The following TNIK variants were observed in gnomAD, a reference collection of about 807,000 sequenced individuals.
The protein encoded by TNIK is TRAF2 and NCK interacting kinase.
TNIK carries 49 observed loss-of-function variants against 191.3 expected under a neutral mutation model. The observed-to-expected ratio is 0.26, with a 90% CI of 0.20 to 0.32. The LOEUF is 0.32. TNIK is among the 10% of genes least tolerant of loss of function. TNIK has a pLI of 1.00. For missense variants in TNIK, 1,155 were observed against 1,702.3 expected (o/e 0.68, Z 5.66); for synonymous variants, 594 against 600.9 (o/e 0.99, Z 0.17).
chr3:171,165,218 G>C (rs1734464765), intron 10 of TNIK, among the ~76,000 whole-genome samples: 1 of 151,996 alleles, frequency 6.6e-6, no homozygotes, highest in Non-Finnish European at 1.5e-5. Context: ...GATCACTTGA[G>C]CCCGGGAGAT....
chr3:171,073,268 T>C (rs748829012), intron 28 of TNIK, among the ~76,000 whole-genome samples: 7 of 152,042 alleles, frequency 4.6e-5, no homozygotes, highest in Admixed American at 6.6e-5. Flanking sequence ...CAACTGATCT[T>C]CAACAAAGTC....
chr3:171,227,763 A>G (rs1743125758), intron 3 of TNIK, among the ~76,000 whole-genome samples: 1 of 152,200 alleles, frequency 6.6e-6, no homozygotes, highest in Non-Finnish European at 1.5e-5. Context: ...ACAAATATAG[A>G]GATGGTCCCT....
At chr3:171,111,844 C>T (rs1725899931) in intron 18 of TNIK, among the ~76,000 whole-genome samples, 1 of 152,200 alleles carries the variant, frequency 6.6e-6, no homozygotes, top group African/African-American at 2.4e-5. Context: ...CATGATCTCA[C>T]TTATAGGTGG....
chr3:171,386,326 C>T (rs1560006497), intron 1 of TNIK, among the ~76,000 whole-genome samples: 1 of 152,188 alleles, frequency 6.6e-6, no homozygotes, highest in Non-Finnish European at 1.5e-5. Flanking sequence ...TCAACCACGG[C>T]ATATCTTTTT....
At chr3:171,259,892 C>A (rs1227215810) in intron 2 of TNIK, among the ~76,000 whole-genome samples, 1 of 152,132 alleles carries the variant, frequency 6.6e-6, no homozygotes, top group Non-Finnish European at 1.5e-5. Flanking sequence ...ATCTGTAGTG[C>A]AGAGCTTGGC....
intron 23 of TNIK, among the ~76,000 whole-genome samples, chr3:171,093,430 T>G (rs943400395): frequency 6.6e-6 from 1 of 152,114 alleles, no homozygotes; most frequent in African/African-American, 2.4e-5. Flanking sequence ...TTGGAACTAT[T>G]GAGCATTTTT....
At chr3:171,233,857 C>G (rs1247312336) in intron 2 of TNIK, among the ~76,000 whole-genome samples, 1 of 152,134 alleles carries the variant, frequency 6.6e-6, no homozygotes, top group Non-Finnish European at 1.5e-5. Context: ...GTTTCCCTTA[C>G]CCCCACATTT....
chr3:171,283,421 C>G (rs1270757747), intron 2 of TNIK, among the ~76,000 whole-genome samples: 1 of 152,078 alleles, frequency 6.6e-6, no homozygotes, highest in South Asian at 2.1e-4. Flanking sequence ...GGAAGGGGAT[C>G]GCCAAAACCA....
intron 2 of TNIK, among the ~76,000 whole-genome samples, chr3:171,332,105 T>C (rs1236751968): frequency 6.6e-6 from 1 of 152,152 alleles, no homozygotes; most frequent in Admixed American, 6.5e-5. Context: ...AGACGGAAAA[T>C]CACCTATAAA....
intron 32 of TNIK, among the ~76,000 whole-genome samples, chr3:171,064,647 C>T (rs965549862): frequency 4.6e-5 from 7 of 152,156 alleles, no homozygotes; most frequent in African/African-American, 1.7e-4. Context: ...TCTGTTAAGT[C>T]ATTTTATCAA....
At chr3:171,125,653 T>G (rs920646998) in intron 17 of TNIK, among the ~76,000 whole-genome samples, 1 of 152,198 alleles carries the variant, frequency 6.6e-6, no homozygotes, top group Admixed American at 6.5e-5. Context: ...ATACTTGGTG[T>G]TGAGAGTTCT....
intron 1 of TNIK, among the ~76,000 whole-genome samples, chr3:171,402,637 A>G (rs1294256035): frequency 6.6e-6 from 1 of 152,240 alleles, no homozygotes; most frequent in Non-Finnish European, 1.5e-5. Flanking sequence ...TCACCTGACT[A>G]AAAGATACCC....
chr3:171,324,127 AC>A (rs1755484305), intron 2 of TNIK, among the ~76,000 whole-genome samples: 1 of 139,446 alleles, frequency 7.2e-6, no homozygotes, highest in Admixed American at 7.0e-5. Context: ...GCAGAACGTC[AC>A]CCAAATAAAA....
At chr3:171,278,239 T>C (rs1220758033) in intron 2 of TNIK, among the ~76,000 whole-genome samples, 1 of 152,234 alleles carries the variant, frequency 6.6e-6, no homozygotes, top group Non-Finnish European at 1.5e-5. Flanking sequence ...AAGTCTGTCA[T>C]GAGACTAGAA....
intron 9 of TNIK, among the ~76,000 whole-genome samples, chr3:171,168,974 T>C (rs6807042): frequency 0.013 from 2,005 of 152,276 alleles, 41 homozygotes; most frequent in African/African-American, 0.046. Context: ...CTTCTCTTTC[T>C]CAGATCAATC....
At chr3:171,162,552 G>A (rs1307104436) in intron 10 of TNIK, among the ~76,000 whole-genome samples, 3 of 152,182 alleles carry the variant, frequency 2.0e-5, no homozygotes, top group African/African-American at 7.2e-5. Flanking sequence ...TAAGATTGAG[G>A]CTTGCTTTGG....
At chr3:171,422,058 G>T (rs554284181) in intron 1 of TNIK, among the ~76,000 whole-genome samples, 57 of 152,090 alleles carry the variant, frequency 3.7e-4, no homozygotes, top group African/African-American at 1.3e-3. Context: ...TAACTTTTCT[G>T]TGCTTTGTCT....
At position 171,333,791 on chromosome 3, in the gene TNIK, C is replaced by T. The variant is rs528682007; in HGVS notation, c.123+35829G>A. On this transcript the variant is annotated intron_variant, in intron 2 of 32. Transcript: ENST00000436636. Reference sequence around the variant, plus strand: ...ATTTTAGCAAGGCCCCAGATAGTAACCTTTCCCTTTCCCCATCGTGCTCAG... The same window carrying T: ...ATTTTAGCAAGGCCCCAGATAGTAATCTTTCCCTTTCCCCATCGTGCTCAG... Among the ~76,000 whole-genome samples the T allele has an allele frequency of 3.9e-5, 6 of 152,294 alleles. No homozygotes were observed. The East Asian group carries it at 5.8e-4, about 15-fold the overall frequency.
intron 15 of TNIK, among the ~76,000 whole-genome samples, chr3:171,136,566 T>G (rs972887592): frequency 6.6e-6 from 1 of 152,146 alleles, no homozygotes; most frequent in African/African-American, 2.4e-5. Context: ...CTTTCTCCCA[T>G]GGGTGATGCT....
Sources: gnomAD v4.1 joint callset for allele counts (sites outside exome capture counted in the v4.1 genomes callset) on GRCh38, gnomAD v4.1.1 for gene constraint, MANE v1.5 for transcripts, NCBI Gene and HGNC (gene_info 2026-07-23, HGNC 2026-07-21) for gene names.